Variants in IGSF21 observed in about 807,000 individuals in gnomAD.
IGSF21 encodes the protein immunoglobulin superfamily member 21.
Under a neutral mutation model 46.8 loss-of-function variants are expected in IGSF21, and 28 were observed. The ratio of observed to expected loss-of-function variants is 0.60; its 90% CI spans 0.44 to 0.82. The LOEUF is 0.82. Among genes scored for constraint, IGSF21 ranks in the 40% least tolerant of loss-of-function variants. The pLI, the probability that IGSF21 is intolerant of heterozygous loss-of-function variation, is 0.00. For synonymous variants in IGSF21, 284 were observed against 273.6 expected, an observed-to-expected ratio of 1.04 and a Z score of -0.38; for missense variants, 624 against 665.5, an observed-to-expected ratio of 0.94 and a Z score of 0.69.
intron 1 of IGSF21, among the ~76,000 whole-genome samples, chr1:18,130,289 C>T (rs770509547): frequency 1.4e-4 from 21 of 152,128 alleles, no homozygotes; most frequent in Non-Finnish European, 2.9e-5. Context: ...TGCTTTAGTT[C>T]AACTCTTCAC....
intron 1 of IGSF21, 59 bp downstream of exon 1, chr1:18,108,257 C>A: frequency 7.6e-7 from 1 of 1,308,128 alleles, no homozygotes; most frequent in South Asian, 2.1e-5. Flanking sequence ...GACGGGGTGC[C>A]GGGGGAGGGC....
intron 1 of IGSF21, among the ~76,000 whole-genome samples, chr1:18,208,740 A>G (rs747405718): frequency 2.0e-5 from 3 of 151,876 alleles, no homozygotes; most frequent in African/African-American, 7.3e-5. Flanking sequence ...GACTTTTCTC[A>G]TAATAGCCCC....
chr1:18,265,814 G>T (rs186364318), intron 2 of IGSF21, among the ~76,000 whole-genome samples: 1 of 152,210 alleles, frequency 6.6e-6, no homozygotes, highest in Non-Finnish European at 1.5e-5. Context: ...AGGCAAGCCC[G>T]CTCCTTCCTT....
In IGSF21 at chr1:18,377,441, T is replaced by C. The variant is rs1292780257; in HGVS notation, c.1333+10T>C. On this transcript the variant is annotated intron_variant, in intron 9 of 9. Transcript: ENST00000251296. ...ACGGAGGACTCTAATGGTAAGTCTC[T>C]ACCCTCAGGATTTTTTGCTTAAAAG... is the stretch of plus-strand genomic sequence containing the variant. 6.2e-7 allele frequency: 1 copy of C among 1,610,072 alleles called. No individual in the cohort carries two copies. The highest frequency in any genetic ancestry group is 1.3e-5 in the African/African-American group (1 of 74,966).
intron 3 of IGSF21, among the ~76,000 whole-genome samples, chr1:18,332,076 C>T (rs1226342092): frequency 6.6e-6 from 1 of 152,200 alleles, no homozygotes; most frequent in African/African-American, 2.4e-5. Context: ...GTCTTCTATA[C>T]CACCTGTGAG....
chr1:18,153,817 G>A (rs144047711), intron 1 of IGSF21, among the ~76,000 whole-genome samples: 14 of 152,232 alleles, frequency 9.2e-5, no homozygotes, highest in Non-Finnish European at 1.9e-4. Flanking sequence ...CCCACGCAGC[G>A]TCTGCGAATC....
intron 1 of IGSF21, among the ~76,000 whole-genome samples, chr1:18,126,519 G>C (rs2086275519): frequency 6.6e-6 from 1 of 152,120 alleles, no homozygotes; most frequent in Admixed American, 6.5e-5. Context: ...GGAGGCCTGT[G>C]AGAAAGCCCA....
intron 2 of IGSF21, among the ~76,000 whole-genome samples, chr1:18,231,195 G>A (rs2084622757): frequency 1.3e-5 from 2 of 152,218 alleles, no homozygotes; most frequent in African/African-American, 2.4e-5. Context: ...AAGCCCAGCA[G>A]CCTCCCCTCT....
intron 1 of IGSF21, among the ~76,000 whole-genome samples, chr1:18,208,097 C>T (rs2084350384): frequency 1.3e-5 from 2 of 151,770 alleles, no homozygotes; most frequent in South Asian, 4.2e-4. Context: ...GGGGAGTTTT[C>T]CTAAGGGAAG....
intron 3 of IGSF21, among the ~76,000 whole-genome samples, chr1:18,319,735 T>G (rs1406569499): frequency 6.6e-6 from 1 of 152,202 alleles, no homozygotes; most frequent in African/African-American, 2.4e-5. Flanking sequence ...TTGTCAGGAC[T>G]TTGCTCCTCA....
At chr1:18,361,835 T>A (rs757969395) in intron 4 of IGSF21, 1 of 336,502 alleles carries the variant, frequency 3.0e-6, no homozygotes, top group Non-Finnish European at 5.5e-6. Context: ...CCTCCGGGGA[T>A]CTGATGCACT....
chr1:18,223,376 G>A (rs910500539), intron 1 of IGSF21, among the ~76,000 whole-genome samples: 7 of 152,350 alleles, frequency 4.6e-5, no homozygotes, highest in Non-Finnish European at 7.4e-5. Flanking sequence ...GAATTCCCAA[G>A]AGACCCCATC....
At chr1:18,249,026 G>A (rs572731811) in intron 2 of IGSF21, among the ~76,000 whole-genome samples, 2 of 152,154 alleles carry the variant, frequency 1.3e-5, no homozygotes, top group African/African-American at 2.4e-5. Flanking sequence ...ATGAGAGAAA[G>A]TGTGGCACCC....
chr1:18,222,412 A>C (rs191878039), intron 1 of IGSF21, among the ~76,000 whole-genome samples: 1 of 152,180 alleles, frequency 6.6e-6, no homozygotes, highest in East Asian at 1.9e-4. Context: ...TCTTTCCTAG[A>C]CTGGAGAGTG....
In IGSF21 at chr1:18,335,069, G is replaced by A; in HGVS notation, c.424+59G>A. The A allele has an allele frequency of 7.5e-7, 1 of 1,335,796 alleles. No homozygotes were observed. The highest frequency in any genetic ancestry group is 1.1e-6 in the Non-Finnish European group (1 of 927,708). 82.7% of individuals were successfully genotyped at this position (1,335,796 alleles called of 1,614,324 possible). On this transcript the variant is annotated intron_variant, in intron 4 of 9. Coordinates refer to ENST00000251296, the MANE Select transcript of IGSF21 (RefSeq NM_032880.5). This position sits in a 1 kb window ranked among gnomAD's most constrained non-coding sequence, Gnocchi z 4.8. Reference sequence around the variant, plus strand: ...GTGAGGAGGACGAGTATGCTTGAGTGTGTGAATGTGCGCACAGAGTGGCCA... The same window carrying A: ...GTGAGGAGGACGAGTATGCTTGAGTATGTGAATGTGCGCACAGAGTGGCCA...
chr1:18,301,220 C>T (rs1330369293), intron 3 of IGSF21, among the ~76,000 whole-genome samples: 1 of 152,216 alleles, frequency 6.6e-6, no homozygotes, highest in Non-Finnish European at 1.5e-5. Flanking sequence ...TGGGTTAACG[C>T]CCAAGCTGTG....
chr1:18,332,100 G>T (rs1442137248), intron 3 of IGSF21, among the ~76,000 whole-genome samples: 1 of 152,194 alleles, frequency 6.6e-6, no homozygotes, highest in Non-Finnish European at 1.5e-5. Context: ...TCACCTACAT[G>T]TGTCACCCAA....
intron 1 of IGSF21, among the ~76,000 whole-genome samples, chr1:18,186,702 A>G (rs1260157483): frequency 6.6e-6 from 1 of 152,178 alleles, no homozygotes; most frequent in African/African-American, 2.4e-5. Context: ...TCAAAATCCT[A>G]TAAAGAAGGA....
intron 6 of IGSF21, among the ~76,000 whole-genome samples, chr1:18,367,137 C>T (rs964021798): frequency 1.3e-5 from 2 of 152,306 alleles, no homozygotes; most frequent in Non-Finnish European, 2.9e-5. Context: ...GCCTCTAACC[C>T]AGGCCACTCA....
Sources: gnomAD v4.1 joint callset for allele counts (sites outside exome capture counted in the v4.1 genomes callset) on GRCh38, gnomAD v4.1.1 for gene constraint, Gnocchi (gnomAD v3.1) non-coding constraint, MANE v1.5 for transcripts, NCBI Gene and HGNC (gene_info 2026-07-23, HGNC 2026-07-21) for gene names.